Variants in TRHDE observed in about 807,000 individuals in gnomAD.
TRHDE encodes the protein thyrotropin-releasing hormone-degrading ectoenzyme.
Under a neutral mutation model 125.7 loss-of-function variants are expected in TRHDE, and 72 were observed. The observed-to-expected ratio is 0.57, with a 90% CI of 0.47 to 0.70. TRHDE has a LOEUF of 0.70. TRHDE is among the 30% of genes least tolerant of loss of function. The pLI is 0.00. For synonymous variants in TRHDE, 509 were observed against 509.1 expected, an observed-to-expected ratio of 1.00 and a Z score of 0.00; for missense variants, 1,110 against 1,327.1, an observed-to-expected ratio of 0.84 and a Z score of 2.54.
At chr12:72,486,643 G>A (rs1256343895) in intron 5 of TRHDE, among the ~76,000 whole-genome samples, 1 of 152,076 alleles carries the variant, frequency 6.6e-6, no homozygotes, top group Non-Finnish European at 1.5e-5. Context: ...ACACCCATAT[G>A]TCCATCTGCA....
intron 2 of TRHDE, among the ~76,000 whole-genome samples, chr12:72,360,748 A>G (rs984169407): frequency 1.3e-5 from 2 of 151,842 alleles, no homozygotes; most frequent in Non-Finnish European, 2.9e-5. Context: ...CTTCATGACC[A>G]TGGGTAATTC....
chr12:72,151,748 G>T (rs1876371505), intron 2 of TRHDE, among the ~76,000 whole-genome samples: 1 of 152,102 alleles, frequency 6.6e-6, no homozygotes, highest in Non-Finnish European at 1.5e-5. Flanking sequence ...CTGTTCCATT[G>T]GTCTATATCT....
chr12:72,510,478 T>C (rs1179448313), intron 6 of TRHDE, among the ~76,000 whole-genome samples: 1 of 152,160 alleles, frequency 6.6e-6, no homozygotes, highest in Non-Finnish European at 1.5e-5. Context: ...GTATAAATTA[T>C]TATCTTCAAT....
chr12:72,566,391 A>G (rs1244247795), intron 9 of TRHDE, among the ~76,000 whole-genome samples: 1 of 151,748 alleles, frequency 6.6e-6, no homozygotes, highest in Non-Finnish European at 1.5e-5. Flanking sequence ...TATAAGGTTT[A>G]TAGTTTAACT....
At chr12:72,410,905 C>T (rs1873470375) in intron 3 of TRHDE, among the ~76,000 whole-genome samples, 1 of 150,488 alleles carries the variant, frequency 6.6e-6, no homozygotes, top group South Asian at 2.1e-4. Context: ...TTAAAAACAA[C>T]ATACAGGCCG....
intron 2 of TRHDE, among the ~76,000 whole-genome samples, chr12:72,203,721 A>G (rs1328800285): frequency 1.3e-5 from 2 of 152,170 alleles, no homozygotes; most frequent in African/African-American, 2.4e-5. Flanking sequence ...AGTTAAAGTC[A>G]ATTACCATCT....
intron 2 of TRHDE, among the ~76,000 whole-genome samples, chr12:72,161,442 A>G (rs1876635483): frequency 6.6e-6 from 1 of 152,142 alleles, no homozygotes; most frequent in East Asian, 1.9e-4. Context: ...AAAAAAAAAA[A>G]AAAAAAAATT....
At chr12:72,519,022 G>A (rs1391595212) in intron 6 of TRHDE, among the ~76,000 whole-genome samples, 4 of 152,230 alleles carry the variant, frequency 2.6e-5, no homozygotes, top group Non-Finnish European at 5.9e-5. Flanking sequence ...TCTGCTGTTA[G>A]TCTGATGGGC....
intron 2 of TRHDE, among the ~76,000 whole-genome samples, chr12:72,125,226 C>T (rs1008547424): frequency 6.6e-6 from 1 of 151,942 alleles, no homozygotes; most frequent in Non-Finnish European, 1.5e-5. Context: ...TCTCTGGAAT[C>T]GTTTTGTATA....
intron 2 of TRHDE, among the ~76,000 whole-genome samples, chr12:72,178,246 A>C (rs1164050297): frequency 6.6e-6 from 1 of 152,132 alleles, no homozygotes; most frequent in Non-Finnish European, 1.5e-5. Flanking sequence ...ACTGTGTATT[A>C]GGATAATCAG....
intron 2 of TRHDE, among the ~76,000 whole-genome samples, chr12:72,166,922 G>A (rs1175249185): frequency 1.3e-5 from 2 of 150,396 alleles, no homozygotes; most frequent in East Asian, 3.9e-4. Flanking sequence ...GTGTGTGTGT[G>A]TGTGTGTGTG....
chr12:72,411,627 C>A (rs945744817), intron 3 of TRHDE, among the ~76,000 whole-genome samples: 1 of 151,916 alleles, frequency 6.6e-6, no homozygotes, highest in Non-Finnish European at 1.5e-5. Context: ...CTCTTTTGTT[C>A]AATTCAACAA....
intron 2 of TRHDE, among the ~76,000 whole-genome samples, chr12:72,221,445 G>A (rs1284005622): frequency 3.3e-5 from 5 of 152,018 alleles, no homozygotes; most frequent in African/African-American, 1.2e-4. Flanking sequence ...TTCAGACCTT[G>A]AAAATTGTTC....
chr12:72,132,731 C>T (rs1160003891), intron 2 of TRHDE, among the ~76,000 whole-genome samples: 4 of 152,040 alleles, frequency 2.6e-5, no homozygotes, highest in Non-Finnish European at 4.4e-5. Context: ...GCTGGGGACA[C>T]GCAGATGAAT....
intron 2 of TRHDE, among the ~76,000 whole-genome samples, chr12:72,200,750 C>T (rs1052073025): frequency 5.9e-5 from 9 of 152,250 alleles, no homozygotes; most frequent in East Asian, 1.9e-4. Flanking sequence ...TGATTAACTT[C>T]GCCATTTGTA....
chr12:72,371,855 T>C (rs1871610707), intron 2 of TRHDE, among the ~76,000 whole-genome samples: 1 of 152,294 alleles, frequency 6.6e-6, no homozygotes. Context: ...TAAACATACA[T>C]GTGCATGTGT....
At chr12:72,511,913 A>C (rs1292987343) in intron 6 of TRHDE, among the ~76,000 whole-genome samples, 1 of 152,138 alleles carries the variant, frequency 6.6e-6, no homozygotes. Flanking sequence ...TAGAGTAAGG[A>C]ATAGATTAAT....
chr12:72,435,177 A>G (rs1874683356), intron 3 of TRHDE, among the ~76,000 whole-genome samples: 2 of 152,236 alleles, frequency 1.3e-5, no homozygotes, highest in South Asian at 2.1e-4. Context: ...CCCAATTTGT[A>G]AACTGCTGAC....
rs1295501640 is a variant in TRHDE at position 72,454,879 on chromosome 12, A to G, written c.1316-14879A>G. Among the ~76,000 whole-genome samples the G allele has an allele frequency of 6.6e-5, 10 of 152,186 alleles. No individual in the cohort carries two copies. The East Asian group carries it at 1.9e-3, about 29-fold the overall frequency. On this transcript the variant is annotated intron_variant, in intron 3 of 18. Transcript: ENST00000261180. The stretch of plus-strand genomic sequence containing the variant: ...TTTTCTCCCTAAACACAGATTGTTC[A>G]TGGTCCTGCACTACTTGAGTAAAAA...
Sources: allele counts gnomAD v4.1 joint callset (sites outside exome capture counted in the v4.1 genomes callset), GRCh38; gene constraint gnomAD v4.1.1; transcripts MANE v1.5; gene names NCBI Gene and HGNC (gene_info 2026-07-23, HGNC 2026-07-21).